Variants in NHSL1 observed in about 807,000 individuals in gnomAD.
The protein encoded by NHSL1 is NHS-like protein 1.
In NHSL1, 48 loss-of-function variants were observed where a neutral mutation model predicts 95.0. The ratio of observed to expected loss-of-function variants is 0.51; its 90% CI spans 0.40 to 0.64. NHSL1 has a LOEUF of 0.64. Ranked by LOEUF, NHSL1 falls within the 30% of genes least tolerant of loss-of-function variation. The pLI, the probability that NHSL1 is intolerant of heterozygous loss-of-function variation, is 0.00. For synonymous variants in NHSL1, 783 were observed against 833.9 expected (o/e 0.94, Z 1.05); for missense variants, 1,971 against 2,077.7 (o/e 0.95, Z 1.00).
chr6:138,461,372 G>A (rs1777984611), intron 3 of NHSL1, among the ~76,000 whole-genome samples: 1 of 152,206 alleles, frequency 6.6e-6, no homozygotes, highest in Non-Finnish European at 1.5e-5. Flanking sequence ...GGGGTACAAG[G>A]TTTGAGCCCC....
chr6:138,473,420 C>A lies in NHSL1; in HGVS notation c.225G>T (p.Leu75Phe). ...LKSVLRECDK[L>F]RHDGYRSSQY... Reference sequence around the variant, plus strand: ...GAGAACTGCGGTAGCCATCATGCCGCAACTTATCGCATTCTGCAGAGGGGC... The same window carrying A: ...GAGAACTGCGGTAGCCATCATGCCGAAACTTATCGCATTCTGCAGAGGGGC... The change falls in exon 3 of 8, where the codon TTG becomes TTT. Residue 75 changes from leucine to phenylalanine, a missense_variant. Leu to Phe is a conservative substitution (Grantham distance 22, BLOSUM62 0). Coordinates refer to ENST00000343505, the MANE Select transcript of NHSL1 (RefSeq NM_001144060.2). 6.7e-7 allele frequency: 1 copy of A among 1,503,464 alleles called. No homozygotes were observed. The allele number at this position is 1,503,464 out of a possible 1,614,324, so 93.1% of individuals were successfully genotyped here.
intron 1 of NHSL1, among the ~76,000 whole-genome samples, chr6:138,684,173 C>T (rs1785551870): frequency 6.7e-6 from 1 of 149,232 alleles, no homozygotes; most frequent in Non-Finnish European, 1.5e-5. Flanking sequence ...GATCTCACCA[C>T]TGCACTCCAG....
chr6:138,584,720 T>C (rs4576272), intron 1 of NHSL1, among the ~76,000 whole-genome samples: 22,870 of 152,210 alleles, frequency 0.15, 3,101 homozygotes, highest in African/African-American at 0.37. Flanking sequence ...CATGAAGATA[T>C]GCCACCACGA....
intron 1 of NHSL1, among the ~76,000 whole-genome samples, chr6:138,555,799 G>A (rs1331769790): frequency 2.0e-5 from 3 of 152,166 alleles, no homozygotes; most frequent in African/African-American, 7.2e-5. Flanking sequence ...CCCTCACAGG[G>A]CAGTCAGGAA....
At chr6:138,507,951 C>T (rs776299865) in intron 1 of NHSL1, among the ~76,000 whole-genome samples, 1 of 152,084 alleles carries the variant, frequency 6.6e-6, no homozygotes, top group Non-Finnish European at 1.5e-5. Context: ...ATCCACTTTG[C>T]CAGTTAATTT....
chr6:138,529,594 C>A (rs944565341), intron 1 of NHSL1, among the ~76,000 whole-genome samples: 6 of 152,176 alleles, frequency 3.9e-5, no homozygotes, highest in Non-Finnish European at 1.5e-5. Flanking sequence ...TAACTGTCGG[C>A]CAGCCTGGGC....
chr6:138,499,462 G>A lies in NHSL1; in HGVS notation c.-172C>T. ...GTAACTGAGGTTGAGTTTATTGTCA[G>A]GCAGTTACAAACCATTAACAGTCCT... On this transcript the variant is annotated 5_prime_UTR_variant, in exon 1 of 8. Transcript: ENST00000343505. 2 of 1,385,200 alleles carry A rather than the reference G, an allele frequency of 1.4e-6. No individual in the cohort carries two copies. Among genetic ancestry groups the A allele is most frequent in the East Asian group, 5.5e-5 (2 of 36,412 alleles). The allele number at this position is 1,385,200 out of a possible 1,614,324, so 85.8% of individuals were successfully genotyped here. A position where few individuals can be genotyped will look rare whatever the true frequency, so the allele number is the denominator to read the frequency against.
chr6:138,463,577 A>C (rs1778141333), intron 3 of NHSL1, among the ~76,000 whole-genome samples: 1 of 149,256 alleles, frequency 6.7e-6, no homozygotes. Context: ...CTGAACGTGC[A>C]GGTTTGTTAC....
intron 3 of NHSL1, among the ~76,000 whole-genome samples, 171 bp from the exon 4 acceptor site, chr6:138,447,364 A>C (rs199506354): frequency 1.3e-5 from 2 of 152,336 alleles, no homozygotes; most frequent in East Asian, 3.9e-4. Context: ...TCTGACCTAT[A>C]ATATGCATGA....
intron 1 of NHSL1, among the ~76,000 whole-genome samples, chr6:138,607,661 A>G (rs1361018514): frequency 6.6e-6 from 1 of 152,236 alleles, no homozygotes; most frequent in Non-Finnish European, 1.5e-5. Context: ...AGCTGTGGCC[A>G]ATGCCTCATA....
At chr6:138,542,914 T>A (rs1562360202) in intron 1 of NHSL1, among the ~76,000 whole-genome samples, 2 of 152,120 alleles carry the variant, frequency 1.3e-5, no homozygotes, top group Admixed American at 1.3e-4. Context: ...CAGTTCCATA[T>A]CACCACATCT....
intron 1 of NHSL1, among the ~76,000 whole-genome samples, chr6:138,505,817 G>C (rs973886260): frequency 6.6e-6 from 1 of 152,084 alleles, no homozygotes; most frequent in Non-Finnish European, 1.5e-5. Flanking sequence ...AAGGAATTTA[G>C]CTCTTCAAAC....
chr6:138,426,620 C>T (rs1484997998), intron 7 of NHSL1, among the ~76,000 whole-genome samples: 1 of 152,144 alleles, frequency 6.6e-6, no homozygotes, highest in Non-Finnish European at 1.5e-5. Context: ...TTTTACGTGG[C>T]TTACACAGCA....
exon 1 of NHSL1, chr6:138,571,714 T>C (rs1473701265): frequency 1.3e-6 from 2 of 1,551,178 alleles, no homozygotes; most frequent in East Asian, 2.4e-5. Context: ...AGTCACCTTT[T>C]CTGGGCTGGG....
upstream of NHSL1, chr6:138,545,784 T>A: frequency 8.3e-7 from 1 of 1,201,794 alleles, no homozygotes; most frequent in Non-Finnish European, 1.1e-6. Flanking sequence ...AGGAAGCCAC[T>A]GCCCAATCCC....
intron 1 of NHSL1, among the ~76,000 whole-genome samples, chr6:138,673,240 A>G (rs1785403833): frequency 6.6e-6 from 1 of 151,602 alleles, no homozygotes; most frequent in South Asian, 2.1e-4. Context: ...AGCTATTCAT[A>G]TATTTTCAAT....
At chr6:138,669,257 A>G (rs1167842294) in intron 1 of NHSL1, among the ~76,000 whole-genome samples, 1 of 152,194 alleles carries the variant, frequency 6.6e-6, no homozygotes, top group African/African-American at 2.4e-5. Flanking sequence ...CTGAAACTGC[A>G]GCAAAGAGAT....
At chr6:138,675,415 A>C (rs1785435293) in intron 1 of NHSL1, among the ~76,000 whole-genome samples, 1 of 152,214 alleles carries the variant, frequency 6.6e-6, no homozygotes, top group Non-Finnish European at 1.5e-5. Flanking sequence ...CATGTTGTAG[A>C]CGAGGTCAGG....
In NHSL1 at chr6:138,424,127, C is replaced by G; in HGVS notation, c.4775G>C (p.Arg1592Thr). ...PVDGTASAEG[R>T]EPSPQCGGSL... The stretch of plus-strand genomic sequence containing the variant: ...ACCGCCACACTGTGGGGAGGGCTCT[C>G]TGCCCTCTGCACTGGCTGTCCCATC... The change falls in exon 8 of 8, where the codon AGA becomes ACA. Residue 1592 changes from arginine to threonine, a missense_variant. Transcript: ENST00000343505. The surrounding 1 kb of genome is among the most constrained non-coding windows in gnomAD (Gnocchi z 5.9). The G allele has an allele frequency of 1.4e-6, 2 of 1,426,860 alleles. No individual in the cohort carries two copies. The highest frequency in any genetic ancestry group is 1.8e-6 in the Non-Finnish European group (2 of 1,092,180). The allele number at this position is 1,426,860 out of a possible 1,614,324, so 88.4% of individuals were successfully genotyped here.
Sources: allele counts gnomAD v4.1 joint callset (sites outside exome capture counted in the v4.1 genomes callset), GRCh38; gene constraint gnomAD v4.1.1; non-coding constraint Gnocchi (gnomAD v3.1); transcripts MANE v1.5; gene names NCBI Gene and HGNC (gene_info 2026-07-23, HGNC 2026-07-21).